CIT: variants seen among roughly 807,000 people sequenced by gnomAD.
CIT encodes the protein citron rho-interacting serine/threonine kinase.
In CIT, 79 loss-of-function variants were observed where a neutral mutation model predicts 272.7. The ratio of observed to expected loss-of-function variants is 0.29; its 90% CI spans 0.24 to 0.35. The LOEUF (loss-of-function observed/expected upper bound fraction) is 0.35, where lower values mean the gene tolerates loss of function less well. Among genes scored for constraint, CIT ranks in the 10% least tolerant of loss-of-function variants. The pLI, the probability that CIT is intolerant of heterozygous loss-of-function variation, is 1.00. For synonymous variants in CIT, 948 were observed against 995.6 expected (o/e 0.95, Z 0.90); for missense variants, 1,909 against 2,618.3 (o/e 0.73, Z 5.91).
intron 39 of CIT, among the ~76,000 whole-genome samples, chr12:119,709,276 C>G (rs1008585889): frequency 6.6e-6 from 1 of 151,960 alleles, no homozygotes; most frequent in African/African-American, 2.4e-5. Context: ...ATAATGTAAA[C>G]TGTAGACTTG....
intron 10 of CIT, among the ~76,000 whole-genome samples, chr12:119,787,730 CAAA>C (rs61554565): frequency 2.0e-5 from 1 of 49,074 alleles, no homozygotes; most frequent in Non-Finnish European, 3.5e-5. Context: ...GACTCCGTCT[CAAA>C]AAAAAAAAAA....
intron 10 of CIT, among the ~76,000 whole-genome samples, chr12:119,800,928 A>T (rs757367597): frequency 5.9e-5 from 9 of 152,228 alleles, no homozygotes; most frequent in Non-Finnish European, 1.3e-4. Context: ...TGATGCTTGT[A>T]GGTATCACCC....
At chr12:119,702,127 C>T (rs1319252497) in intron 41 of CIT, among the ~76,000 whole-genome samples, 169 bp from the exon 42 acceptor site, 1 of 147,606 alleles carries the variant, frequency 6.8e-6, no homozygotes. Flanking sequence ...TTTTTGGAGA[C>T]AAGATCTCGC....
chr12:119,688,317 G>A (rs1344001850), intron 47 of CIT, 62 bp from the exon 48 acceptor site: 6 of 1,514,764 alleles, frequency 4.0e-6, no homozygotes, highest in Non-Finnish European at 5.5e-6. Context: ...TGCTCACCTT[G>A]CATGATGCAA....
chr12:119,715,544 G>A (rs1174183543), intron 32 of CIT, among the ~76,000 whole-genome samples: 4 of 151,960 alleles, frequency 2.6e-5, no homozygotes, highest in South Asian at 2.1e-4. Context: ...GGAGAATGGC[G>A]GGGGACTGAT....
intron 10 of CIT, among the ~76,000 whole-genome samples, chr12:119,788,533 T>A (rs924062006): frequency 6.6e-6 from 1 of 152,096 alleles, no homozygotes; most frequent in African/African-American, 2.4e-5. Context: ...AAAAGAACGA[T>A]GACATGGGTG....
rs1958271472 is a variant in CIT, at chr12:119,728,758, T to C, written c.3487-152A>G. On this transcript the variant is annotated intron_variant, in intron 27 of 47. Coordinates refer to ENST00000392521, the MANE Select transcript of CIT (RefSeq NM_001206999.2). The surrounding 1 kb of genome is among the most constrained non-coding windows in gnomAD (Gnocchi z 4.3). ...GCTTTTTTCTAAATACAGAAGTCCC[T>C]GTCACTGGTGAGTCTTCCATAGGTT... 3.4e-6 allele frequency: 2 copies of C among 582,828 alleles called. No individual in the cohort carries two copies. The highest frequency in any genetic ancestry group is 4.3e-5 in the South Asian group (2 of 46,762). The allele number at this position is 582,828 out of a possible 1,614,324, so 36.1% of individuals were successfully genotyped here.
chr12:119,699,256 CA>C (rs1181095399), intron 44 of CIT, among the ~76,000 whole-genome samples: 2,908 of 51,438 alleles, frequency 0.057, 67 homozygotes, highest in African/African-American at 0.14. Context: ...AAATCCGACT[CA>C]AAAAAAAAAA....
rs181807537 is a variant in CIT, at chr12:119,718,800, T to C, written c.3902A>G (p.Asn1301Ser). 2.4e-5 allele frequency: 38 copies of C among 1,614,166 alleles called. No individual in the cohort carries two copies. The highest frequency in any genetic ancestry group is 2.2e-4 in the Admixed American group (13 of 60,026). The part of the protein sequence containing the change: ...ALPTQVPLQY[N>S]ELKLALEKEK... ...CTTCTCCAGGGCCAGCTTCAGCTCA[T>C]TGTACTGCAGAGGAACCTGTGTGGG... is the stretch of plus-strand genomic sequence containing the variant. The change falls in exon 31 of 48, where the codon AAT (asparagine) becomes AGT (serine). Residue 1301 changes from asparagine to serine, a missense_variant. Coordinates refer to ENST00000392521, the MANE Select transcript of CIT (RefSeq NM_001206999.2). This position sits in a 1 kb window ranked among gnomAD's most constrained non-coding sequence, Gnocchi z 4.8.
chr12:119,831,835 A>G (rs1277252196), intron 7 of CIT, among the ~76,000 whole-genome samples: 1 of 152,150 alleles, frequency 6.6e-6, no homozygotes, highest in Non-Finnish European at 1.5e-5. Context: ...GCGCCACTGC[A>G]CTCCAGCCTG....
chr12:119,740,668 A>G lies in CIT; in HGVS notation c.2958+1743T>C, dbSNP rs140202269. The stretch of plus-strand genomic sequence containing the variant: ...CAAGCTTATATAAGGAAAAAATAGT[A>G]ATATAAAAAATTCCAGTCATAAAAT... On this transcript the variant is annotated intron_variant, in intron 24 of 47. Transcript: ENST00000392521. 9.9e-4 allele frequency among the ~76,000 whole-genome samples: 151 copies of G among 152,312 alleles called. 1 individual carries two copies. Among genetic ancestry groups the G allele is most frequent in the African/African-American group, 3.3e-3 (137 of 41,552 alleles).
chr12:119,777,171 CT>C (rs2137643561), intron 13 of CIT, among the ~76,000 whole-genome samples: 1 of 152,198 alleles, frequency 6.6e-6, no homozygotes, highest in Admixed American at 6.5e-5. Context: ...AGGAGAATCG[CT>C]TGAACCCAGG....
chr12:119,729,380 A>G (rs1958304715), intron 27 of CIT, among the ~76,000 whole-genome samples: 1 of 152,210 alleles, frequency 6.6e-6, no homozygotes, highest in African/African-American at 2.4e-5. Flanking sequence ...ATGTCCATAA[A>G]GATTCATGTT....
At chr12:119,774,286 G>T (rs1027804664) in intron 16 of CIT, among the ~76,000 whole-genome samples, 7 of 146,844 alleles carry the variant, frequency 4.8e-5, no homozygotes, top group East Asian at 4.0e-4. Context: ...ATGTTATGTG[G>T]TTTTTTTTTT....
chr12:119,742,346 T>A (rs1959099057), intron 24 of CIT, 65 bp downstream of exon 24: 1 of 1,157,698 alleles, frequency 8.6e-7, no homozygotes, highest in Non-Finnish European at 1.2e-6. Flanking sequence ...TAAAGAGACG[T>A]CCCCTTTTCC....
Position 119,818,797 on chromosome 12 carries a change from A to C in CIT, c.1111+4023T>G, listed in dbSNP as rs373975. The stretch of plus-strand genomic sequence containing the variant: ...TCCGTGATCACCACTTCCATTATGC[A>C]TTTCTCACTGTTGAGATATGGCAGT... On this transcript the variant is annotated intron_variant, in intron 9 of 47. Transcript: ENST00000392521. Among the ~76,000 whole-genome samples the C allele has an allele frequency of 7.0e-3, 1,067 of 152,306 alleles. 15 individuals are homozygous for C. Among genetic ancestry groups the C allele is most frequent in the African/African-American group, 0.025 (1,022 of 41,540 alleles).
At chr12:119,704,837 T>A (rs1956790707) in intron 40 of CIT, among the ~76,000 whole-genome samples, 1 of 152,106 alleles carries the variant, frequency 6.6e-6, no homozygotes, top group Admixed American at 6.5e-5. Context: ...TTTGACAAAC[T>A]TCCCTTGTGA....
chr12:119,757,642 C>T, intron 21 of CIT, 97 bp from the exon 22 acceptor site: 1 of 1,467,074 alleles, frequency 6.8e-7, no homozygotes, highest in Non-Finnish European at 9.3e-7. Flanking sequence ...TTAGACATGT[C>T]TCCTCACTAA....
At position 119,701,731 on chromosome 12, in the gene CIT, T is replaced by C. The variant is rs763623625; in HGVS notation, c.5435A>G (p.His1812Arg). 6.2e-7 allele frequency: 1 copy of C among 1,614,206 alleles called. No homozygotes were observed. Among genetic ancestry groups the C allele is most frequent in the South Asian group, 1.1e-5 (1 of 91,082 alleles). ...TLEEFLDKND[H>R]SLAPAVFAAS... The stretch of plus-strand genomic sequence containing the variant: ...GGCAAACACAGCAGGTGCCAAGGAA[T>C]GGTCATTCTTATCCAGGAATTCTGT... The change falls in exon 43 of 48, where the codon CAT becomes CGT. Residue 1812 changes from histidine (H) to arginine (R), a missense_variant. Coordinates refer to ENST00000392521, the MANE Select transcript of CIT (RefSeq NM_001206999.2).
Sources: gnomAD v4.1 joint callset for allele counts (sites outside exome capture counted in the v4.1 genomes callset) on GRCh38, gnomAD v4.1.1 for gene constraint, Gnocchi (gnomAD v3.1) non-coding constraint, MANE v1.5 for transcripts, NCBI Gene and HGNC (gene_info 2026-07-23, HGNC 2026-07-21) for gene names.